Variants in B4GALT6 observed in about 807,000 individuals in gnomAD.
B4GALT6 encodes beta-1,4-galactosyltransferase 6.
Under a neutral mutation model 46.3 loss-of-function variants are expected in B4GALT6, and 14 were observed. The observed-to-expected ratio is 0.30, with a 90% CI of 0.20 to 0.47. The LOEUF is 0.47. B4GALT6 is among the 20% of genes least tolerant of loss of function. B4GALT6 has a pLI of 0.99. For missense variants in B4GALT6, 386 were observed against 480.1 expected (o/e 0.80, Z 1.83); for synonymous variants, 168 against 162.0 (o/e 1.04, Z -0.28).
At position 31,625,410 on chromosome 18, in the gene B4GALT6, C is replaced by T. The variant is rs897968502; in HGVS notation, c.*204G>A. Reference sequence around the variant, plus strand: ...AGTGGCTTCCCGTTTCTGCGGTGCTCGCCACAGGGGTGTGTCTCAGAGCAG... The same window carrying T: ...AGTGGCTTCCCGTTTCTGCGGTGCTTGCCACAGGGGTGTGTCTCAGAGCAG... On this transcript the variant is annotated 3_prime_UTR_variant, in exon 9 of 9. Coordinates refer to ENST00000306851, the MANE Select transcript of B4GALT6 (RefSeq NM_004775.5). 2.1e-6 allele frequency: 1 copy of T among 467,132 alleles called. No homozygotes were observed. 28.9% of individuals were successfully genotyped at this position (467,132 alleles called of 1,614,324 possible).
chr18:31,701,313 T>A, the B4GALT6 span, among the ~76,000 whole-genome samples: 1 of 152,202 alleles, frequency 6.6e-6, no homozygotes, highest in East Asian at 1.9e-4. Context: ...GCTCTGGCCA[T>A]GTAAGACATT....
the B4GALT6 span, among the ~76,000 whole-genome samples, chr18:31,703,386 C>G: frequency 6.6e-6 from 1 of 152,092 alleles, no homozygotes; most frequent in Non-Finnish European, 1.5e-5. Context: ...TTATATTATG[C>G]CTATCCTTCA....
the B4GALT6 span, among the ~76,000 whole-genome samples, chr18:31,710,848 A>ACACACACACACACT: frequency 4.6e-5 from 7 of 151,594 alleles, no homozygotes; most frequent in African/African-American, 1.7e-4. Flanking sequence ...ACACACACAC[A>ACACACACACACACT]CTATAATCCT....
intron 1 of B4GALT6, 30 bp downstream of exon 1, chr18:31,684,282 G>C (rs368631936): frequency 5.6e-6 from 9 of 1,612,156 alleles, no homozygotes; most frequent in South Asian, 1.1e-5. Flanking sequence ...GGTGTGACCA[G>C]GGGAAGCGAG....
chr18:31,708,082 T>A, the B4GALT6 span, among the ~76,000 whole-genome samples: 1 of 152,192 alleles, frequency 6.6e-6, no homozygotes, highest in South Asian at 2.1e-4. Flanking sequence ...CAGTATGCAT[T>A]ATGATCACCT....
At chr18:31,699,079 C>CA in the B4GALT6 span, among the ~76,000 whole-genome samples, 3,126 of 82,116 alleles carry the variant, frequency 0.038, 95 homozygotes, top group African/African-American at 0.13. Context: ...GACTCTGTCT[C>CA]AAAAAAAAAA....
intron 4 of B4GALT6, among the ~76,000 whole-genome samples, chr18:31,640,915 G>C (rs1208431900): frequency 1.3e-5 from 2 of 152,204 alleles, no homozygotes; most frequent in African/African-American, 4.8e-5. Flanking sequence ...AAAGTAAAAG[G>C]AGCAAAAGAG....
At chr18:31,675,371 C>T (rs1459503019) in intron 1 of B4GALT6, among the ~76,000 whole-genome samples, 1 of 152,186 alleles carries the variant, frequency 6.6e-6, no homozygotes, top group Non-Finnish European at 1.5e-5. Context: ...ATCTGGCTTC[C>T]TCTGTAAAGA....
chr18:31,723,965 C>T, the B4GALT6 span, among the ~76,000 whole-genome samples: 6 of 151,368 alleles, frequency 4.0e-5, no homozygotes, highest in African/African-American at 9.8e-5. Flanking sequence ...CCCCACCCCA[C>T]CCCACCCCAC....
intron 1 of B4GALT6, among the ~76,000 whole-genome samples, chr18:31,670,430 TGAA>T (rs970426664): frequency 2.6e-5 from 4 of 151,938 alleles, no homozygotes; most frequent in Admixed American, 2.6e-4. Flanking sequence ...ATTCATTAGA[TGAA>T]GACCAAAATT....
intron 1 of B4GALT6, among the ~76,000 whole-genome samples, chr18:31,676,155 G>A (rs8093931): frequency 0.13 from 19,956 of 152,026 alleles, 1,378 homozygotes; most frequent in African/African-American, 0.15. Context: ...ACTATAATTA[G>A]AAGTCATAAT....
intron 2 of B4GALT6, among the ~76,000 whole-genome samples, chr18:31,659,448 G>C (rs970060783): frequency 1.3e-5 from 2 of 152,178 alleles, no homozygotes; most frequent in African/African-American, 4.8e-5. Context: ...ACTGCTGAAT[G>C]AAAGAGGCCC....
At chr18:31,632,483 T>C (rs1432528609) in intron 5 of B4GALT6, among the ~76,000 whole-genome samples, 3 of 152,184 alleles carry the variant, frequency 2.0e-5, no homozygotes, top group Non-Finnish European at 4.4e-5. Context: ...CCAAGAGCAA[T>C]ACATTTCAAC....
chr18:31,657,053 G>A (rs2074148838), intron 3 of B4GALT6, among the ~76,000 whole-genome samples: 1 of 152,114 alleles, frequency 6.6e-6, no homozygotes, highest in South Asian at 2.1e-4. Context: ...TGCTGTTAGG[G>A]ATATAAATTG....
chr18:31,685,476 G>A (rs2074537107), upstream of B4GALT6, among the ~76,000 whole-genome samples: 1 of 151,350 alleles, frequency 6.6e-6, no homozygotes, highest in Admixed American at 6.6e-5. Flanking sequence ...CTCGGCAGGC[G>A]GCGCTGCGCC....
rs1157789942 is a variant in B4GALT6 at position 31,638,831 on chromosome 18, A to G, written c.472-71T>C. On this transcript the variant is annotated intron_variant, in intron 4 of 8. Coordinates refer to ENST00000306851, the MANE Select transcript of B4GALT6 (RefSeq NM_004775.5). The stretch of plus-strand genomic sequence containing the variant: ...ATCCTAGAGGTAAGGATAAAAATCA[A>G]TCCTTGAAAACTTCTGATGGTTTTA... 2.3e-6 allele frequency: 3 copies of G among 1,291,208 alleles called. No individual in the cohort carries two copies. In the African/African-American group the frequency reaches 4.5e-5, roughly 19 times the overall value. 80.0% of individuals were successfully genotyped at this position (1,291,208 alleles called of 1,614,324 possible).
intron 3 of B4GALT6, among the ~76,000 whole-genome samples, chr18:31,649,260 G>A (rs2074029268): frequency 2.0e-5 from 3 of 152,110 alleles, no homozygotes; most frequent in Admixed American, 2.0e-4. Context: ...CTTAACAAAC[G>A]ATTTATTACT....
chr18:31,715,059 C>T, the B4GALT6 span, among the ~76,000 whole-genome samples: 2 of 152,136 alleles, frequency 1.3e-5, no homozygotes, highest in Non-Finnish European at 2.9e-5. Context: ...GGAAATTTTA[C>T]ACCTATGGCC....
the B4GALT6 span, among the ~76,000 whole-genome samples, chr18:31,706,671 T>C: frequency 1.3e-5 from 2 of 152,244 alleles, no homozygotes; most frequent in East Asian, 3.9e-4. Context: ...ATGTAACTTC[T>C]AAAGACTCTC....
Sources: gnomAD v4.1 joint callset for allele counts (sites outside exome capture counted in the v4.1 genomes callset) on GRCh38, gnomAD v4.1.1 for gene constraint, MANE v1.5 for transcripts, NCBI Gene and HGNC (gene_info 2026-07-23, HGNC 2026-07-21) for gene names.